Variants in AKAP19 observed in about 807,000 individuals in gnomAD.
AKAP19 encodes the protein small A-kinase anchoring protein.
At chr2:190,092,740 T>G in the AKAP19 span, among the ~76,000 whole-genome samples, 1 of 152,170 alleles carries the variant, frequency 6.6e-6, no homozygotes, top group Non-Finnish European at 1.5e-5. Context: ...AGTTCCTGTT[T>G]CCCCCAAATC....
the AKAP19 span, among the ~76,000 whole-genome samples, chr2:190,034,637 G>C: frequency 1.3e-5 from 2 of 151,046 alleles, no homozygotes; most frequent in Non-Finnish European, 2.9e-5. Flanking sequence ...TTGAGGCCAG[G>C]AGTTGGAGAC....
chr2:189,919,012 G>A, the AKAP19 span, among the ~76,000 whole-genome samples: 1 of 152,164 alleles, frequency 6.6e-6, no homozygotes, highest in Admixed American at 6.5e-5. Context: ...ATATTAAATA[G>A]AAAATTCTGG....
chr2:189,880,246 A>AT, the AKAP19 span, among the ~76,000 whole-genome samples: 2 of 152,182 alleles, frequency 1.3e-5, no homozygotes, highest in East Asian at 3.9e-4. Flanking sequence ...TTCCTCCAGC[A>AT]TTTTTTGGTG....
At chr2:190,188,294 G>C in the AKAP19 span, among the ~76,000 whole-genome samples, 1 of 152,224 alleles carries the variant, frequency 6.6e-6, no homozygotes, top group Non-Finnish European at 1.5e-5. Context: ...TGTGTATCTT[G>C]AGAACTAAGG....
At chr2:190,163,472 G>C in the AKAP19 span, among the ~76,000 whole-genome samples, 1 of 149,380 alleles carries the variant, frequency 6.7e-6, no homozygotes, top group Non-Finnish European at 1.5e-5. Context: ...AAAAAAAACT[G>C]AGTCTTGCCC....
the AKAP19 span, among the ~76,000 whole-genome samples, chr2:189,929,077 C>G: frequency 1.3e-5 from 2 of 152,050 alleles, no homozygotes; most frequent in African/African-American, 4.8e-5. Context: ...TTTTTGAGAT[C>G]ACAACTATGA....
the AKAP19 span, among the ~76,000 whole-genome samples, chr2:190,003,385 TTTC>T: frequency 6.6e-6 from 1 of 152,262 alleles, no homozygotes; most frequent in Non-Finnish European, 1.5e-5. Flanking sequence ...CATCTAGATG[TTTC>T]CAAATTTTTG....
the AKAP19 span, among the ~76,000 whole-genome samples, chr2:190,023,046 T>A: frequency 5.3e-5 from 8 of 152,302 alleles, no homozygotes; most frequent in African/African-American, 1.9e-4. Context: ...CAAGCTGGTA[T>A]TTAATTTATA....
At chr2:190,015,098 G>T in the AKAP19 span, among the ~76,000 whole-genome samples, 1 of 152,158 alleles carries the variant, frequency 6.6e-6, no homozygotes, top group Non-Finnish European at 1.5e-5. Context: ...GGGGTCTGGA[G>T]GATGGTGGCC....
chr2:190,063,955 T>C, the AKAP19 span, among the ~76,000 whole-genome samples: 1 of 152,148 alleles, frequency 6.6e-6, no homozygotes, highest in Non-Finnish European at 1.5e-5. Flanking sequence ...AGATTTCTTT[T>C]TCCTACTCCT....
chr2:189,942,847 A>G, the AKAP19 span, among the ~76,000 whole-genome samples: 1 of 152,236 alleles, frequency 6.6e-6, no homozygotes, highest in Non-Finnish European at 1.5e-5. Context: ...ATCTGGGAGA[A>G]GAAATTTCTA....
At chr2:189,893,618 C>T in the AKAP19 span, among the ~76,000 whole-genome samples, 24 of 152,280 alleles carry the variant, frequency 1.6e-4, no homozygotes, top group Non-Finnish European at 2.5e-4. Context: ...CACCTGCCTT[C>T]TGTGTTGATC....
the AKAP19 span, among the ~76,000 whole-genome samples, chr2:190,178,409 G>A: frequency 1.8e-3 from 270 of 152,360 alleles, 1 homozygote; most frequent in African/African-American, 6.2e-3. The surrounding 1 kb of genome is among the most constrained non-coding windows in gnomAD (Gnocchi z 6.3). Context: ...CCACAGAGAG[G>A]AGAGCAGAGA....
chr2:190,077,470 T>C, the AKAP19 span, among the ~76,000 whole-genome samples: 4 of 152,050 alleles, frequency 2.6e-5, no homozygotes, highest in African/African-American at 9.7e-5. Context: ...CATGTTAACA[T>C]GTTAAAAATT....
chr2:190,055,534 T>C, the AKAP19 span, among the ~76,000 whole-genome samples: 1 of 152,194 alleles, frequency 6.6e-6, no homozygotes, highest in Non-Finnish European at 1.5e-5. Flanking sequence ...TGCTTTCGTA[T>C]GTGTAAAGCA....
the AKAP19 span, among the ~76,000 whole-genome samples, chr2:190,046,170 G>C: frequency 6.6e-6 from 1 of 152,168 alleles, no homozygotes; most frequent in Non-Finnish European, 1.5e-5. Context: ...TTGAGGTGCT[G>C]TATTTACTTG....
chr2:189,971,757 C>CT, the AKAP19 span, among the ~76,000 whole-genome samples: 4 of 152,016 alleles, frequency 2.6e-5, no homozygotes, highest in African/African-American at 9.7e-5. Context: ...TTTATTGTGA[C>CT]TTTTGGCTGC....
the AKAP19 span, among the ~76,000 whole-genome samples, chr2:189,898,847 C>T: frequency 6.6e-6 from 1 of 152,192 alleles, no homozygotes; most frequent in Non-Finnish European, 1.5e-5. Context: ...AAGAACCTTT[C>T]TCAAATGCAA....
At chr2:190,082,299 A>C in the AKAP19 span, among the ~76,000 whole-genome samples, 1 of 152,172 alleles carries the variant, frequency 6.6e-6, no homozygotes, top group African/African-American at 2.4e-5. Context: ...TTCAGCATAA[A>C]TTCCTGTCTT....
Sources: allele counts gnomAD v4.1 joint callset (sites outside exome capture counted in the v4.1 genomes callset), GRCh38; gene constraint gnomAD v4.1.1; non-coding constraint Gnocchi (gnomAD v3.1); transcripts MANE v1.5; gene names NCBI Gene and HGNC (gene_info 2026-07-23, HGNC 2026-07-21).